Variants in NRG1 observed in about 807,000 individuals in gnomAD.
NRG1 encodes the protein pro-neuregulin-1, membrane-bound isoform.
Under a neutral mutation model 63.8 loss-of-function variants are expected in NRG1, and 18 were observed. The ratio of observed to expected loss-of-function variants is 0.28; its 90% CI spans 0.19 to 0.42. The LOEUF is 0.42. Ranked by LOEUF, NRG1 falls within the 10% of genes least tolerant of loss-of-function variation. The probability of loss-of-function intolerance (pLI) is 1.00; values close to 1 mark genes in which losing one functional copy is unlikely to be tolerated. For synonymous variants in NRG1, 302 were observed against 301.3 expected (o/e 1.00, Z -0.02); for missense variants, 762 against 814.7 (o/e 0.94, Z 0.79).
At chr8:31,833,641 A>C (rs1380795222) in intron 1 of NRG1, among the ~76,000 whole-genome samples, 3 of 152,200 alleles carry the variant, frequency 2.0e-5, no homozygotes, top group African/African-American at 7.2e-5. Flanking sequence ...ACCATGTAAT[A>C]ATTGGCTTGG....
intron 1 of NRG1, among the ~76,000 whole-genome samples, chr8:32,262,980 G>A (rs1048527662): frequency 2.3e-4 from 35 of 152,016 alleles, no homozygotes; most frequent in Non-Finnish European, 4.0e-4. Context: ...AAGCTTGCAC[G>A]TGGTACCTTC....
intron 1 of NRG1, among the ~76,000 whole-genome samples, chr8:32,312,153 G>GTTT (rs767575805): frequency 0.044 from 4,324 of 97,684 alleles, 476 homozygotes; most frequent in Non-Finnish European, 0.052. Flanking sequence ...ATTTGACCTT[G>GTTT]TTTGTTTTTT....
intron 1 of NRG1, among the ~76,000 whole-genome samples, chr8:31,975,231 G>A (rs1362434308): frequency 1.3e-5 from 2 of 152,100 alleles, no homozygotes; most frequent in African/African-American, 2.4e-5. Flanking sequence ...GGAGAGGTGG[G>A]GTAAGTTACA....
intron 1 of NRG1, among the ~76,000 whole-genome samples, chr8:31,737,955 G>A (rs776923544): frequency 7.2e-5 from 11 of 151,908 alleles, no homozygotes; most frequent in Non-Finnish European, 1.6e-4. Flanking sequence ...CATTTCTTTT[G>A]AACTTAAGGA....
rs1263133112 is a variant in NRG1, at chr8:31,640,625, A to G, written c.37+1194A>G. 6.2e-7 allele frequency: 1 copy of G among 1,610,612 alleles called. No individual in the cohort carries two copies. Among genetic ancestry groups the G allele is most frequent in the Non-Finnish European group, 8.5e-7 (1 of 1,179,164 alleles). On this transcript the variant is annotated intron_variant, in intron 1 of 10. Transcript: ENST00000519301. This position sits in a 1 kb window ranked among gnomAD's most constrained non-coding sequence, Gnocchi z 6.3. The stretch of plus-strand genomic sequence containing the variant: ...ATCTTCTTCATGGAGCCCGACGCCA[A>G]CAGCACCAGCCGCGCGCCGGCCGCC...
chr8:31,955,960 T>C (rs1804294238), intron 1 of NRG1, among the ~76,000 whole-genome samples: 1 of 148,024 alleles, frequency 6.8e-6, no homozygotes, highest in Non-Finnish European at 1.5e-5. Flanking sequence ...AGGACCACTT[T>C]AATCTGGGAG....
At chr8:32,086,555 A>G (rs939058355) in intron 1 of NRG1, among the ~76,000 whole-genome samples, 3 of 152,114 alleles carry the variant, frequency 2.0e-5, no homozygotes, top group Admixed American at 6.5e-5. Flanking sequence ...AGATCTGTTT[A>G]TTGTGATAAC....
At chr8:32,685,721 G>A (rs1423466403) in intron 5 of NRG1, among the ~76,000 whole-genome samples, 2 of 152,188 alleles carry the variant, frequency 1.3e-5, no homozygotes, top group Non-Finnish European at 2.9e-5. Flanking sequence ...ACGCATAAGA[G>A]TAGAGGAAAA....
intron 1 of NRG1, among the ~76,000 whole-genome samples, chr8:32,518,076 A>C (rs937188125): frequency 1.3e-5 from 2 of 152,086 alleles, no homozygotes; most frequent in Non-Finnish European, 2.9e-5. Context: ...ACCAAATATA[A>C]ATATTTATTT....
At chr8:32,321,221 G>A (rs552357042) in intron 1 of NRG1, among the ~76,000 whole-genome samples, 7 of 152,094 alleles carry the variant, frequency 4.6e-5, no homozygotes, top group South Asian at 4.2e-4. Context: ...AAATTACCTC[G>A]TAAATCACTA....
chr8:32,026,213 C>T (rs28428508), intron 1 of NRG1: 18,618 of 151,520 alleles, frequency 0.12, 3,832 homozygotes, highest in African/African-American at 0.42. Context: ...GGACTACAGG[C>T]GCCTGTGCAA....
intron 1 of NRG1, among the ~76,000 whole-genome samples, chr8:31,889,440 A>G (rs1830975982): frequency 6.6e-6 from 1 of 152,190 alleles, no homozygotes; most frequent in Admixed American, 6.5e-5. Context: ...CAGTAAAGAC[A>G]GAACAAAGAG....
At position 31,642,979 on chromosome 8, in the gene NRG1, A is replaced by AGTGTGTGTGT. The variant is rs34942505; in HGVS notation, c.37+3560_37+3569dup. On this transcript the variant is annotated intron_variant, in intron 1 of 10. Coordinates refer to the NRG1 transcript ENST00000519301. ...CTGCACTTGGAATATTGAGTGTAAA[A>AGTGTGTGTGT]GTGTGTGTGTGTGTGTGTGTGAGAG... Among the ~76,000 whole-genome samples, 36 of 150,966 alleles carry AGTGTGTGTGT rather than the reference A, an allele frequency of 2.4e-4. 1 individual carries two copies. The highest frequency in any genetic ancestry group is 8.8e-4 in the African/African-American group (36 of 40,994).
At chr8:31,767,992 C>A (rs1387860057) in intron 1 of NRG1, among the ~76,000 whole-genome samples, 8 of 151,942 alleles carry the variant, frequency 5.3e-5, no homozygotes, top group Non-Finnish European at 8.8e-5. Flanking sequence ...GACACAAGAA[C>A]AAGAACTGCC....
At chr8:32,185,195 G>A (rs996362832) in intron 1 of NRG1, among the ~76,000 whole-genome samples, 1 of 152,156 alleles carries the variant, frequency 6.6e-6, no homozygotes, top group African/African-American at 2.4e-5. Flanking sequence ...CACATCTTCA[G>A]TACTTGAGGC....
At chr8:31,756,053 T>C (rs1816936139) in intron 1 of NRG1, among the ~76,000 whole-genome samples, 1 of 152,128 alleles carries the variant, frequency 6.6e-6, no homozygotes, top group African/African-American at 2.4e-5. Context: ...TCTAAATCCA[T>C]GCAAAGCATT....
intron 1 of NRG1, among the ~76,000 whole-genome samples, chr8:32,202,890 A>G (rs973645082): frequency 6.6e-6 from 1 of 151,432 alleles, no homozygotes; most frequent in South Asian, 2.1e-4. Flanking sequence ...TCAAAAGGCA[A>G]CATTTGGGTG....
intron 1 of NRG1, among the ~76,000 whole-genome samples, chr8:32,224,006 C>T (rs926898839): frequency 1.3e-5 from 2 of 152,192 alleles, no homozygotes; most frequent in East Asian, 1.9e-4. Context: ...TGTTTATAAC[C>T]GGCAGTAGGT....
chr8:32,118,292 C>T (rs1832997150), intron 1 of NRG1, among the ~76,000 whole-genome samples: 1 of 152,024 alleles, frequency 6.6e-6, no homozygotes, highest in South Asian at 2.1e-4. Context: ...CTATTAGTTT[C>T]TGTGAGAGTT....
Sources: gnomAD v4.1 joint callset for allele counts (sites outside exome capture counted in the v4.1 genomes callset) on GRCh38, gnomAD v4.1.1 for gene constraint, Gnocchi (gnomAD v3.1) non-coding constraint, MANE v1.5 for transcripts, NCBI Gene and HGNC (gene_info 2026-07-23, HGNC 2026-07-21) for gene names.